The following NCKAP5 variants were observed in gnomAD, a reference collection of about 807,000 sequenced individuals.
The protein encoded by NCKAP5 is NCK associated protein 5, also known as nck-associated protein 5.
In NCKAP5, 92 loss-of-function variants were observed where a neutral mutation model predicts 167.0. That is an observed-to-expected ratio of 0.55 (90% CI 0.47 to 0.66). NCKAP5 has a LOEUF of 0.66. NCKAP5 is among the 30% of genes least tolerant of loss of function. The pLI, the probability that NCKAP5 is intolerant of heterozygous loss-of-function variation, is 0.00. For missense variants in NCKAP5, 2,378 were observed against 2,315.0 expected (o/e 1.03, Z -0.56); for synonymous variants, 891 against 877.4 (o/e 1.02, Z -0.27).
At chr2:133,092,123 C>T (rs1407980108) in intron 6 of NCKAP5, among the ~76,000 whole-genome samples, 1 of 152,034 alleles carries the variant, frequency 6.6e-6, no homozygotes, top group African/African-American at 2.4e-5. Context: ...TTCATGTCTA[C>T]CTAGAAAAAA....
chr2:132,935,970 T>C (rs932777389), intron 8 of NCKAP5, among the ~76,000 whole-genome samples: 1 of 150,780 alleles, frequency 6.6e-6, no homozygotes, highest in Non-Finnish European at 1.5e-5. Flanking sequence ...CCTTAAATAA[T>C]ATTTTTTTTC....
the NCKAP5 span, among the ~76,000 whole-genome samples, chr2:133,630,235 A>G: frequency 3.3e-5 from 5 of 152,242 alleles, no homozygotes; most frequent in Non-Finnish European, 2.9e-5. Context: ...GGAAATTCAT[A>G]TGAAAGTCCC....
chr2:133,657,658 C>T, the NCKAP5 span, among the ~76,000 whole-genome samples: 1 of 152,300 alleles, frequency 6.6e-6, no homozygotes, highest in African/African-American at 2.4e-5. Context: ...GACTAGCAAC[C>T]TTCACCTTGA....
At chr2:132,958,699 G>A (rs1348162025) in intron 8 of NCKAP5, among the ~76,000 whole-genome samples, 1 of 152,054 alleles carries the variant, frequency 6.6e-6, no homozygotes, top group Non-Finnish European at 1.5e-5. Flanking sequence ...ATCTTCAGGT[G>A]GCCTTTCACC....
intron 11 of NCKAP5, among the ~76,000 whole-genome samples, chr2:132,827,908 T>A (rs147477242): frequency 5.5e-4 from 84 of 152,284 alleles, no homozygotes; most frequent in Non-Finnish European, 7.8e-4. Context: ...AGGCCAATGG[T>A]TGACCCTATA....
intron 3 of NCKAP5, among the ~76,000 whole-genome samples, chr2:133,466,785 G>A (rs950010430): frequency 6.6e-5 from 10 of 151,846 alleles, no homozygotes; most frequent in African/African-American, 2.4e-4. Context: ...GTGAATGGGA[G>A]TTCACTCATG....
chr2:132,693,801 T>G (rs1480878265), intron 19 of NCKAP5, among the ~76,000 whole-genome samples: 1 of 151,806 alleles, frequency 6.6e-6, no homozygotes, highest in Admixed American at 6.6e-5. Context: ...AATTTTTGTA[T>G]TTTTAGTAGA....
At chr2:133,431,049 C>T (rs1690130574) in intron 3 of NCKAP5, among the ~76,000 whole-genome samples, 1 of 151,996 alleles carries the variant, frequency 6.6e-6, no homozygotes, top group Admixed American at 6.6e-5. Flanking sequence ...TTTCTAGCTA[C>T]ACAATGTTTT....
At chr2:132,824,471 C>A (rs1381664139) in intron 11 of NCKAP5, among the ~76,000 whole-genome samples, 1 of 152,176 alleles carries the variant, frequency 6.6e-6, no homozygotes, top group African/African-American at 2.4e-5. Flanking sequence ...GGCAGATTTC[C>A]TTTTAGGTCT....
chr2:132,923,234 T>C (rs1362158478), intron 8 of NCKAP5, among the ~76,000 whole-genome samples: 2 of 152,230 alleles, frequency 1.3e-5, no homozygotes, highest in African/African-American at 4.8e-5. Flanking sequence ...TGAGAAAATA[T>C]CAATGGCTAC....
chr2:133,311,910 TG>T (rs2150617457), intron 3 of NCKAP5, among the ~76,000 whole-genome samples: 1 of 152,348 alleles, frequency 6.6e-6, no homozygotes, highest in East Asian at 1.9e-4. Context: ...TTTATTCTAT[TG>T]GTACTAGCCA....
intron 5 of NCKAP5, among the ~76,000 whole-genome samples, chr2:133,194,842 G>T (rs1409604537): frequency 1.3e-5 from 2 of 150,788 alleles, no homozygotes; most frequent in Admixed American, 1.3e-4. Flanking sequence ...GCTCGTGGAA[G>T]TATAGACAGA....
At chr2:133,113,738 G>A (rs550889730) in intron 6 of NCKAP5, among the ~76,000 whole-genome samples, 29 of 152,318 alleles carry the variant, frequency 1.9e-4, no homozygotes, top group African/African-American at 7.0e-4. Flanking sequence ...GCCAAATGCT[G>A]GCAGCAGGCA....
chr2:132,741,873 T>G lies in NCKAP5; in HGVS notation c.5129-9822A>C, dbSNP rs370572034. Among the ~76,000 whole-genome samples, 13 of 152,210 alleles carry G rather than the reference T, an allele frequency of 8.5e-5. 1 individual carries two copies. The South Asian group carries it at 2.7e-3, about 32-fold the overall frequency. On this transcript the variant is annotated intron_variant, in intron 16 of 19. Coordinates refer to ENST00000409261, the MANE Select transcript of NCKAP5 (RefSeq NM_207363.3). ...CTTTTTCCCCCAATCTAATTACAAT[T>G]TAGCTATCTGTTGGTATCTCCTTTT...
rs78143313 is a variant in NCKAP5 at position 133,272,907 on chromosome 2, T to C, written c.143+30130A>G. ...TGCTTCATTCCTTATTTCCAAATAA[T>C]ATTCCACTGTCTTCATGCACCACAT... On this transcript the variant is annotated intron_variant, in intron 4 of 19. Coordinates refer to ENST00000409261, the MANE Select transcript of NCKAP5 (RefSeq NM_207363.3). 9.3e-3 allele frequency among the ~76,000 whole-genome samples: 1,414 copies of C among 152,356 alleles called. 28 individuals carry two copies. The highest frequency in any genetic ancestry group is 0.06 in the South Asian group (288 of 4,830).
At chr2:132,758,495 A>C (rs751541644) in intron 16 of NCKAP5, among the ~76,000 whole-genome samples, 1 of 152,208 alleles carries the variant, frequency 6.6e-6, no homozygotes, top group Non-Finnish European at 1.5e-5. Context: ...CAACCTATCT[A>C]TAATGTCTAG....
At chr2:133,594,100 G>A in the NCKAP5 span, among the ~76,000 whole-genome samples, 1 of 152,200 alleles carries the variant, frequency 6.6e-6, no homozygotes, top group Non-Finnish European at 1.5e-5. Context: ...TCAGCGTGGT[G>A]GGACCATCAC....
At chr2:133,340,015 T>C (rs898253548) in intron 3 of NCKAP5, among the ~76,000 whole-genome samples, 18 of 152,320 alleles carry the variant, frequency 1.2e-4, no homozygotes, top group African/African-American at 4.3e-4. Context: ...GAAAGCAAAC[T>C]TCCACTCTTG....
chr2:133,363,018 G>A (rs557159211), intron 3 of NCKAP5, among the ~76,000 whole-genome samples: 17 of 151,752 alleles, frequency 1.1e-4, no homozygotes, highest in Non-Finnish European at 2.4e-4. Context: ...CGCCCGCCTC[G>A]GCCTCCCAAG....
Sources: gnomAD v4.1 joint callset for allele counts (sites outside exome capture counted in the v4.1 genomes callset) on GRCh38, gnomAD v4.1.1 for gene constraint, MANE v1.5 for transcripts, NCBI Gene and HGNC (gene_info 2026-07-23, HGNC 2026-07-21) for gene names.